The following DGKI variants were observed in gnomAD, a reference collection of about 807,000 sequenced individuals.
DGKI encodes the protein diacylglycerol kinase iota, also known as DAG kinase iota.
A neutral mutation model predicts 147.5 loss-of-function variants in DGKI; 55 were observed. The observed-to-expected ratio is 0.37, with a 90% CI of 0.30 to 0.47. The LOEUF is 0.47. Ranked by LOEUF, DGKI falls within the 20% of genes least tolerant of loss-of-function variation. The pLI, the probability that DGKI is intolerant of heterozygous loss-of-function variation, is 1.00. For synonymous variants in DGKI, 469 were observed against 477.1 expected, an observed-to-expected ratio of 0.98 and a Z score of 0.22; for missense variants, 1,007 against 1,323.8, an observed-to-expected ratio of 0.76 and a Z score of 3.71.
chr7:137,795,485 A>T (rs1796993061), intron 1 of DGKI, among the ~76,000 whole-genome samples: 1 of 152,206 alleles, frequency 6.6e-6, no homozygotes, highest in Non-Finnish European at 1.5e-5. Flanking sequence ...TACCCAGGGG[A>T]TTTTTCCAAA....
chr7:137,499,309 A>G (rs1816087351), intron 21 of DGKI, among the ~76,000 whole-genome samples: 1 of 151,984 alleles, frequency 6.6e-6, no homozygotes, highest in Non-Finnish European at 1.5e-5. Flanking sequence ...TAATATTTAA[A>G]CCTCTGTATT....
intron 28 of DGKI, among the ~76,000 whole-genome samples, chr7:137,425,907 C>A (rs1220874615): frequency 6.6e-6 from 1 of 152,082 alleles, no homozygotes; most frequent in Non-Finnish European, 1.5e-5. Context: ...TGTGAAAAGA[C>A]CAAATCTACG....
At chr7:137,713,262 G>C (rs1794272627) in intron 1 of DGKI, among the ~76,000 whole-genome samples, 1 of 152,162 alleles carries the variant, frequency 6.6e-6, no homozygotes, top group Non-Finnish European at 1.5e-5. Flanking sequence ...TAGATACCTG[G>C]CTCCAGCTTG....
intron 30 of DGKI, among the ~76,000 whole-genome samples, chr7:137,400,193 ACT>A: frequency 6.6e-6 from 1 of 152,218 alleles, no homozygotes. Context: ...CCAACAGGGC[ACT>A]CTTCACGTCA....
At chr7:137,569,481 C>T (rs1818709092) in intron 19 of DGKI, among the ~76,000 whole-genome samples, 1 of 151,962 alleles carries the variant, frequency 6.6e-6, no homozygotes, top group South Asian at 2.1e-4. Context: ...GTAATCCCAG[C>T]ACTTTGGGAG....
intron 20 of DGKI, among the ~76,000 whole-genome samples, chr7:137,532,418 C>G (rs2128957267): frequency 6.6e-6 from 1 of 152,264 alleles, no homozygotes; most frequent in South Asian, 2.1e-4. Context: ...TATATACTCT[C>G]CTAAAATCTG....
chr7:137,772,296 A>T (rs1016487699), intron 1 of DGKI: 1 of 152,206 alleles, frequency 6.6e-6, no homozygotes, highest in African/African-American at 2.4e-5. Context: ...AGCCAGCATC[A>T]TGTTATTTAA....
intron 1 of DGKI, among the ~76,000 whole-genome samples, chr7:137,739,775 T>C (rs1290081311): frequency 7.1e-6 from 1 of 140,804 alleles, no homozygotes; most frequent in Non-Finnish European, 1.6e-5. Context: ...AAGTTGTTTT[T>C]GGTCCCTGTT....
rs111722170 is a variant in DGKI, at chr7:137,585,217, C to T, written c.1555G>A (p.Val519Ile). The change falls in exon 14 of 33, where the codon GTA becomes ATA. Residue 519 changes from valine to isoleucine, a missense_variant. Coordinates refer to ENST00000614521, the MANE Select transcript of DGKI (RefSeq NM_001321708.2). ...ACAAAAAACTCTCTAACCTTACATA[C>T]GCCATCTTCAAGTTCTTCTGGAGGC... ...DLPPEELEDG[V>I]CKLPLNVFNN... is the part of the protein sequence containing the mutation. The T allele has an allele frequency of 4.3e-5, 69 of 1,614,142 alleles. No individual in the cohort carries two copies. Among genetic ancestry groups the T allele is most frequent in the Admixed American group, 1.0e-4 (6 of 60,022 alleles).
intron 1 of DGKI, among the ~76,000 whole-genome samples, chr7:137,701,159 G>GA (rs886615673): frequency 3.4e-4 from 50 of 145,800 alleles, no homozygotes; most frequent in African/African-American, 5.8e-4. Flanking sequence ...CCTACTTGCA[G>GA]AAAAAAAAAA....
intron 2 of DGKI, among the ~76,000 whole-genome samples, chr7:137,686,080 C>T (rs910610353): frequency 6.6e-6 from 1 of 152,114 alleles, no homozygotes; most frequent in Admixed American, 6.5e-5. Context: ...GAAAACATTG[C>T]CCCTCCTTTT....
chr7:137,671,945 G>A (rs1184971530), intron 3 of DGKI, among the ~76,000 whole-genome samples: 1 of 152,204 alleles, frequency 6.6e-6, no homozygotes, highest in Non-Finnish European at 1.5e-5. Flanking sequence ...CACAAAAAGA[G>A]GGTGGCATGC....
At chr7:137,692,072 C>A (rs941065092) in intron 1 of DGKI, among the ~76,000 whole-genome samples, 2 of 152,078 alleles carry the variant, frequency 1.3e-5, no homozygotes, top group East Asian at 3.9e-4. Context: ...GGCCCCTCAC[C>A]CCAAAGCATA....
chr7:137,723,838 T>G (rs745823368), intron 1 of DGKI, among the ~76,000 whole-genome samples: 3 of 151,330 alleles, frequency 2.0e-5, no homozygotes, highest in Non-Finnish European at 4.4e-5. Flanking sequence ...GCCTCCTGAG[T>G]AGCTGGGATT....
At chr7:137,472,345 T>TATGTATATATA (rs1563040195) in intron 23 of DGKI, among the ~76,000 whole-genome samples, 1 of 54,176 alleles carries the variant, frequency 1.8e-5, no homozygotes, top group African/African-American at 1.5e-4. Flanking sequence ...ATACATATAA[T>TATGTATATATA]TATTATATGT....
intron 14 of DGKI, among the ~76,000 whole-genome samples, chr7:137,582,595 T>C (rs945968264): frequency 5.9e-5 from 9 of 152,024 alleles, no homozygotes; most frequent in African/African-American, 2.2e-4. Flanking sequence ...CTATCAACCC[T>C]TATATCTTTA....
At position 137,846,134 on chromosome 7, in the gene DGKI, T is replaced by TTCTCTCTCTCTCTCTCTCTCTCTCTC. The variant is rs775814446; in HGVS notation, c.401+302_401+327dup. 1.1e-4 allele frequency among the ~76,000 whole-genome samples: 9 copies of TTCTCTCTCTCTCTCTCTCTCTCTCTC among 85,320 alleles called. No homozygotes were observed. Among genetic ancestry groups the TTCTCTCTCTCTCTCTCTCTCTCTCTC allele is most frequent in the East Asian group, 4.1e-4 (1 of 2,452 alleles). The allele number at this position is 85,320 out of a possible 152,430, so 56.0% of individuals were successfully genotyped here. A position where few individuals can be genotyped will look rare whatever the true frequency, so the allele number is the denominator to read the frequency against. The stretch of plus-strand genomic sequence containing the variant: ...TCTGCAACCCTTTCTCTCTCTCTCT[T>TTCTCTCTCTCTCTCTCTCTCTCTCTC]TCTCTCTCTCTCTCTCTCTCTCTCT... On this transcript the variant is annotated intron_variant, in intron 1 of 32. Transcript: ENST00000614521. The surrounding 1 kb of genome is among the most constrained non-coding windows in gnomAD (Gnocchi z 4.0).
intron 6 of DGKI, among the ~76,000 whole-genome samples, chr7:137,641,593 T>C (rs1821627468): frequency 6.6e-6 from 1 of 152,228 alleles, no homozygotes; most frequent in Non-Finnish European, 1.5e-5. Context: ...GAATTTCATA[T>C]TTAGACTTGG....
chr7:137,609,651 G>T (rs1409664366), intron 8 of DGKI, 42 bp from the exon 9 acceptor site: 3 of 1,473,562 alleles, frequency 2.0e-6, no homozygotes, highest in Non-Finnish European at 2.8e-6. Context: ...GAGGCAGCCA[G>T]CCCAGGAGCT....
Sources: allele counts gnomAD v4.1 joint callset (sites outside exome capture counted in the v4.1 genomes callset), GRCh38; gene constraint gnomAD v4.1.1; non-coding constraint Gnocchi (gnomAD v3.1); transcripts MANE v1.5; gene names NCBI Gene and HGNC (gene_info 2026-07-23, HGNC 2026-07-21).